The following PLCD1 variants were observed in gnomAD, a reference collection of about 807,000 sequenced individuals.
PLCD1 encodes phospholipase C delta 1.
In PLCD1, 71 loss-of-function variants were observed where a neutral mutation model predicts 87.4. The observed-to-expected ratio is 0.81, with a 90% CI of 0.67 to 0.99. The LOEUF (loss-of-function observed/expected upper bound fraction) is 0.99. Among genes scored for constraint, PLCD1 ranks in the 50% least tolerant of loss-of-function variants. PLCD1 has a pLI of 0.00. For synonymous variants in PLCD1, 348 were observed against 399.2 expected (o/e 0.87, Z 1.53); for missense variants, 867 against 1,001.5 (o/e 0.87, Z 1.81).
intron 11 of PLCD1, 35 bp from the exon 12 acceptor site, chr3:38,008,671 C>T (rs1402752511): frequency 1.3e-5 from 21 of 1,602,388 alleles, no homozygotes; most frequent in Non-Finnish European, 1.8e-5. Context: ...AGGCTGTGGG[C>T]TGGCCCTGGG....
rs574252159 is a variant in PLCD1, at chr3:38,019,293, T to C, written c.199+895A>G. Among the ~76,000 whole-genome samples, 5 of 152,328 alleles carry C rather than the reference T, an allele frequency of 3.3e-5. No individual in the cohort carries two copies. In the South Asian group the frequency reaches 1.0e-3, roughly 32 times the overall value. ...AGCAGCCACTAGCCACCTGGGGCTA[T>C]TTAAATATAAATTAGTTAAAATTAA... On this transcript the variant is annotated intron_variant, in intron 2 of 14. Transcript: ENST00000334661.
At chr3:38,013,641 A>G (rs2125546326) in intron 3 of PLCD1, among the ~76,000 whole-genome samples, 1 of 152,364 alleles carries the variant, frequency 6.6e-6, no homozygotes, top group African/African-American at 2.4e-5. Context: ...AAACAGCTTT[A>G]ATGACTGTAT....
intron 1 of PLCD1, among the ~76,000 whole-genome samples, chr3:38,022,995 G>C (rs368713897): frequency 1.3e-5 from 2 of 152,254 alleles, no homozygotes; most frequent in Non-Finnish European, 2.9e-5. Context: ...CCTCCTGTGG[G>C]AGGGTCGTGG....
In PLCD1 at chr3:38,008,276, C is replaced by T. The variant is rs764181631; in HGVS notation, c.1994G>A (p.Arg665Gln). ...KVTVEIHGVS[R>Q]DVASRQTAVI... Reference sequence around the variant, plus strand: ...AGCAGTCTGGCGGCTGGCCACGTCCCGGCTCACGCCATGGATCTCCACTGT... The same window carrying T: ...AGCAGTCTGGCGGCTGGCCACGTCCTGGCTCACGCCATGGATCTCCACTGT... The change falls in exon 13 of 15, where the codon CGG (arginine) becomes CAG (glutamine). Residue 665 changes from arginine (R) to glutamine (Q), a missense_variant. Coordinates refer to ENST00000334661, the MANE Select transcript of PLCD1 (RefSeq NM_006225.4). The T allele has an allele frequency of 1.4e-5, 23 of 1,614,058 alleles. No individual in the cohort carries two copies. Among genetic ancestry groups the T allele is most frequent in the East Asian group, 4.5e-5 (2 of 44,890 alleles).
intron 2 of PLCD1, among the ~76,000 whole-genome samples, chr3:38,019,747 C>T (rs1168539193): frequency 1.3e-5 from 2 of 152,160 alleles, no homozygotes; most frequent in East Asian, 1.9e-4. Context: ...GCTCCAGTCC[C>T]AGGGAGGAGC....
At position 38,026,941 on chromosome 3, in the gene PLCD1, C is replaced by T. The variant is rs183447066; in HGVS notation, c.34+2565G>A. Among the ~76,000 whole-genome samples, 5 of 152,246 alleles carry T rather than the reference C, an allele frequency of 3.3e-5. No individual in the cohort carries two copies. In the East Asian group the frequency reaches 9.7e-4, roughly 29 times the overall value. ...CTCTATTTTCTGTTTTTACAAACGG[C>T]ACCTCTTGCAGGGGTGGGGGCAAAA... On this transcript the variant is annotated intron_variant, in intron 1 of 14. Coordinates refer to ENST00000334661, the MANE Select transcript of PLCD1 (RefSeq NM_006225.4).
At position 38,008,554 on chromosome 3, in the gene PLCD1, C is replaced by G. The variant is rs1018444866; in HGVS notation, c.1806G>C (p.Val602=). ...RFQDNGACGY[V]LKPAFLRDPN... is the part of the protein sequence containing the mutation. ...GGTCTCGCAGGAAGGCGGGCTTCAG[C>G]ACGTACCCACAGGCCCCGTTGTCCT... Residue 602 remains valine, a synonymous_variant, in exon 12 of 15, where the codon GTG becomes GTC. Transcript: ENST00000334661. 1.2e-6 allele frequency: 2 copies of G among 1,614,068 alleles called. No homozygotes were observed. Among genetic ancestry groups the G allele is most frequent in the African/African-American group, 2.7e-5 (2 of 74,942 alleles).
chr3:38,009,818 G>A lies in PLCD1; in HGVS notation c.1288-7C>T. 6.2e-7 allele frequency: 1 copy of A among 1,613,776 alleles called. No homozygotes were observed. Among genetic ancestry groups the A allele is most frequent in the Non-Finnish European group, 8.5e-7 (1 of 1,179,978 alleles). On this transcript the variant is annotated splice_region_variant and splice_polypyrimidine_tract_variant and intron_variant, in intron 8 of 14. Transcript: ENST00000334661. ...GGATCTTCCCCTTCAGTTGCTAGGTGGGGAGGGGCAACTGGTCAAGACACA... is the reference window on the plus strand; with the variant it reads ...GGATCTTCCCCTTCAGTTGCTAGGTAGGGAGGGGCAACTGGTCAAGACACA...
At chr3:38,028,013 AC>A (rs1411958862) in intron 1 of PLCD1, among the ~76,000 whole-genome samples, 2 of 152,192 alleles carry the variant, frequency 1.3e-5, no homozygotes, top group Non-Finnish European at 2.9e-5. Context: ...ATGCCACAGG[AC>A]TGGGAGGTCC....
intron 1 of PLCD1, chr3:38,024,505 C>G (rs1190500368): frequency 6.5e-7 from 1 of 1,547,704 alleles, no homozygotes; most frequent in African/African-American, 1.4e-5. Context: ...TTTATGCTCA[C>G]AACACCCTCT....
At chr3:38,026,846 C>A (rs1700316280) in intron 1 of PLCD1, among the ~76,000 whole-genome samples, 1 of 152,242 alleles carries the variant, frequency 6.6e-6, no homozygotes, top group Admixed American at 6.5e-5. Flanking sequence ...ATGGATGATT[C>A]TCAGACCCAC....
At chr3:38,010,665 C>T (rs1261527696) in intron 5 of PLCD1, 103 bp from the exon 6 acceptor site, 2 of 861,520 alleles carry the variant, frequency 2.3e-6, no homozygotes, top group Non-Finnish European at 3.7e-6. Flanking sequence ...GCTTGCCTGC[C>T]TGTCCTGAGC....
intron 2 of PLCD1, among the ~76,000 whole-genome samples, chr3:38,016,934 A>G (rs1251588507): frequency 6.6e-6 from 1 of 152,122 alleles, no homozygotes; most frequent in South Asian, 2.1e-4. Flanking sequence ...ACTGAGGGGG[A>G]GACAGAGCAT....
chr3:38,013,306 G>A (rs538236578), intron 3 of PLCD1, among the ~76,000 whole-genome samples: 9 of 149,676 alleles, frequency 6.0e-5, no homozygotes, highest in Non-Finnish European at 1.0e-4. Flanking sequence ...TCCGCCTCCC[G>A]GGATCACGCC....
rs1004067011 is a variant in PLCD1 at position 38,007,663 on chromosome 3, T to TG, written c.*109dup. 1.2e-5 allele frequency: 10 copies of TG among 838,320 alleles called. No individual in the cohort carries two copies. Among genetic ancestry groups the TG allele is most frequent in the African/African-American group, 6.7e-5 (4 of 59,676 alleles). 51.9% of individuals were successfully genotyped at this position (838,320 alleles called of 1,614,324 possible). ...CACTATGTTAGGGCTGAAGGCAATT[T>TG]GGGGGCCTAGCTCTGAGCAAGAGGC... On this transcript the variant is annotated 3_prime_UTR_variant, in exon 15 of 15. Coordinates refer to ENST00000334661, the MANE Select transcript of PLCD1 (RefSeq NM_006225.4).
At chr3:38,016,057 C>A (rs1238640032) in intron 3 of PLCD1, among the ~76,000 whole-genome samples, 2 of 152,176 alleles carry the variant, frequency 1.3e-5, no homozygotes, top group Non-Finnish European at 2.9e-5. Context: ...CCCCACCCCC[C>A]AACTCACCAA....
intron 11 of PLCD1, 63 bp from the exon 12 acceptor site, chr3:38,008,699 G>A (rs1412860141): frequency 2.1e-6 from 3 of 1,451,742 alleles, no homozygotes; most frequent in Non-Finnish European, 2.9e-6. Flanking sequence ...AGCACAGCCT[G>A]CTCAGGGTAC....
chr3:38,007,861 G>C lies in PLCD1; in HGVS notation c.2186-3C>G, dbSNP rs377425661. 5.4e-5 allele frequency: 87 copies of C among 1,613,754 alleles called. No homozygotes were observed. The highest frequency in any genetic ancestry group is 7.1e-5 in the Non-Finnish European group (84 of 1,179,716). On this transcript the variant is annotated splice_region_variant and splice_polypyrimidine_tract_variant and intron_variant, in intron 14 of 14. Transcript: ENST00000334661. ...CATGAGGTGGACATGGCGGTATCCT[G>C]GTGGGTGGACAGGCAGGAGGGAACA...
At chr3:38,014,821 G>A (rs1700131359) in intron 3 of PLCD1, among the ~76,000 whole-genome samples, 1 of 152,178 alleles carries the variant, frequency 6.6e-6, no homozygotes, top group Non-Finnish European at 1.5e-5. Context: ...CAAAGGACCT[G>A]AATAGATATT....
Sources: gnomAD v4.1 joint callset for allele counts (sites outside exome capture counted in the v4.1 genomes callset) on GRCh38, gnomAD v4.1.1 for gene constraint, MANE v1.5 for transcripts, NCBI Gene and HGNC (gene_info 2026-07-23, HGNC 2026-07-21) for gene names.